LRP1B: variants seen among roughly 807,000 people sequenced by gnomAD.
LRP1B encodes the protein low-density lipoprotein receptor-related protein 1B.
Under a neutral mutation model 556.6 loss-of-function variants are expected in LRP1B, and 217 were observed. The observed-to-expected ratio is 0.39, with a 90% CI of 0.35 to 0.44. LRP1B has a LOEUF of 0.44. LRP1B is among the 20% of genes least tolerant of loss of function. The probability of loss-of-function intolerance (pLI) is 1.00; values close to 1 mark genes in which losing one functional copy is unlikely to be tolerated. For missense variants in LRP1B, 5,053 were observed against 5,620.8 expected (o/e 0.90, Z 3.23); for synonymous variants, 2,047 against 1,865.8 (o/e 1.10, Z -2.50).
intron 66 of LRP1B, among the ~76,000 whole-genome samples, chr2:140,397,165 CTTTT>C (rs1181691054): frequency 6.6e-6 from 1 of 152,014 alleles, no homozygotes; most frequent in Non-Finnish European, 1.5e-5. Flanking sequence ...TATAAAATTA[CTTTT>C]TTAACATTTT....
At chr2:141,510,550 T>C (rs1684093005) in intron 2 of LRP1B, among the ~76,000 whole-genome samples, 3 of 152,130 alleles carry the variant, frequency 2.0e-5, no homozygotes. Context: ...TTTCATTTTA[T>C]GAAAGAGGAA....
At chr2:142,015,472 C>G (rs567032799) in intron 1 of LRP1B, among the ~76,000 whole-genome samples, 14 of 152,254 alleles carry the variant, frequency 9.2e-5, no homozygotes, top group African/African-American at 3.1e-4. Context: ...GCAAAGACTT[C>G]ATGTCTAAAA....
In LRP1B at chr2:140,740,486, C is replaced by T. The variant is rs558037049; in HGVS notation, c.5759-23670G>A. On this transcript the variant is annotated intron_variant, in intron 35 of 90. Transcript: ENST00000389484. ...AGGATGCAAAGGCGTAAGAATGATA[C>T]ATGGACTTTGAGGACTTCGGGGGAA... Among the ~76,000 whole-genome samples the T allele has an allele frequency of 5.9e-5, 9 of 152,160 alleles. No individual in the cohort carries two copies. The South Asian group carries it at 1.9e-3, about 32-fold the overall frequency.
intron 4 of LRP1B, among the ~76,000 whole-genome samples, chr2:141,249,044 G>A (rs1479880433): frequency 1.3e-5 from 2 of 152,148 alleles, no homozygotes; most frequent in Non-Finnish European, 2.9e-5. Context: ...CATGGGAGGA[G>A]ATAACGAATT....
chr2:140,633,509 CAA>C (rs1683969260), intron 41 of LRP1B, among the ~76,000 whole-genome samples: 1 of 151,850 alleles, frequency 6.6e-6, no homozygotes, highest in African/African-American at 2.4e-5. Context: ...AACAGGAAAA[CAA>C]TAGAGTAAAT....
rs149369063 is a variant in LRP1B at position 141,499,421 on chromosome 2, C to T, written c.206-18888G>A. 7.9e-3 allele frequency among the ~76,000 whole-genome samples: 1,204 copies of T among 152,078 alleles called. 21 individuals are homozygous for T. The highest frequency in any genetic ancestry group is 0.027 in the African/African-American group (1,141 of 41,516). On this transcript the variant is annotated intron_variant, in intron 2 of 90. Transcript: ENST00000389484. ...ACGCCTCTTACTTGTTCACATTGGCCCTGTCTGGTTCTTTTCGCTTTGTAT... is the reference window on the plus strand; with the variant it reads ...ACGCCTCTTACTTGTTCACATTGGCTCTGTCTGGTTCTTTTCGCTTTGTAT...
At chr2:141,658,085 G>C (rs1381807270) in intron 2 of LRP1B, among the ~76,000 whole-genome samples, 7 of 152,024 alleles carry the variant, frequency 4.6e-5, no homozygotes, top group Admixed American at 1.3e-4. Flanking sequence ...CAAGCAGATA[G>C]TCAAATTATC....
chr2:140,449,593 T>C (rs1686803911), intron 63 of LRP1B, among the ~76,000 whole-genome samples: 1 of 152,210 alleles, frequency 6.6e-6, no homozygotes, highest in African/African-American at 2.4e-5. Flanking sequence ...TACTTACTGC[T>C]TTCAAACATA....
intron 79 of LRP1B, 127 bp downstream of exon 79, chr2:140,334,326 A>G: frequency 1.6e-6 from 1 of 624,964 alleles, no homozygotes; most frequent in Non-Finnish European, 2.8e-6. Flanking sequence ...AACTTCATAA[A>G]ATCATACTCT....
intron 43 of LRP1B, among the ~76,000 whole-genome samples, chr2:140,585,706 T>C (rs546119239): frequency 6.6e-6 from 1 of 152,312 alleles, no homozygotes; most frequent in African/African-American, 2.4e-5. Flanking sequence ...TATTCTCACT[T>C]AGACACCTAT....
intron 3 of LRP1B, among the ~76,000 whole-genome samples, chr2:141,266,009 T>C (rs190101304): frequency 6.6e-6 from 1 of 152,226 alleles, no homozygotes; most frequent in East Asian, 1.9e-4. Context: ...TATGCATAAC[T>C]TCTGTGTCAG....
chr2:141,824,865 G>A (rs936224664), intron 1 of LRP1B, among the ~76,000 whole-genome samples: 1 of 152,236 alleles, frequency 6.6e-6, no homozygotes, highest in South Asian at 2.1e-4. Context: ...TAATCCCAAT[G>A]TGTCGAGGGA....
chr2:140,655,304 T>A (rs1485571931), intron 41 of LRP1B, among the ~76,000 whole-genome samples: 1 of 152,214 alleles, frequency 6.6e-6, no homozygotes, highest in Non-Finnish European at 1.5e-5. Context: ...GTTAATCGTC[T>A]ATTTTATGTC....
chr2:141,272,185 C>T (rs1482695720), intron 3 of LRP1B, among the ~76,000 whole-genome samples: 4 of 151,826 alleles, frequency 2.6e-5, no homozygotes, highest in Non-Finnish European at 4.4e-5. Flanking sequence ...AGCAATCATA[C>T]AAGAAGAGAG....
rs1263998001 is a variant in LRP1B at position 141,331,518 on chromosome 2, C to CT, written c.344-76878dup. Among the ~76,000 whole-genome samples the CT allele has an allele frequency of 1.3e-3, 91 of 68,194 alleles. 1 individual carries two copies. Among genetic ancestry groups the CT allele is most frequent in the African/African-American group, 4.3e-3 (55 of 12,892 alleles). The allele number at this position is 68,194 out of a possible 152,430, so 44.7% of individuals were successfully genotyped here. A position where few individuals can be genotyped will look rare whatever the true frequency, so the allele number is the denominator to read the frequency against. On this transcript the variant is annotated intron_variant, in intron 3 of 90. Coordinates refer to ENST00000389484, the MANE Select transcript of LRP1B (RefSeq NM_018557.3). ...TCTTTCTTTCCTTCTTTCTTTCTTT[C>CT]TTTCTCTTTCTTTCTTTCTTTCTTT...
intron 2 of LRP1B, among the ~76,000 whole-genome samples, chr2:141,586,888 G>A (rs1687156535): frequency 6.7e-6 from 1 of 149,138 alleles, no homozygotes; most frequent in Admixed American, 6.8e-5. Context: ...CTTGCAGTGA[G>A]CCGAGATCGT....
intron 7 of LRP1B, among the ~76,000 whole-genome samples, chr2:141,139,689 G>A (rs992402644): frequency 3.3e-5 from 5 of 151,670 alleles, no homozygotes; most frequent in African/African-American, 4.8e-5. Context: ...AAAAAAGACC[G>A]ACTAGACCAA....
intron 66 of LRP1B, among the ~76,000 whole-genome samples, chr2:140,437,927 T>C (rs996380375): frequency 6.6e-6 from 1 of 152,162 alleles, no homozygotes; most frequent in Non-Finnish European, 1.5e-5. Context: ...ATATATTTGT[T>C]ATATAACTTA....
At chr2:140,779,953 G>A (rs1042458163) in intron 32 of LRP1B, among the ~76,000 whole-genome samples, 4 of 151,620 alleles carry the variant, frequency 2.6e-5, no homozygotes, top group African/African-American at 9.7e-5. Context: ...GAAAGCCCCA[G>A]AATAAATGCT....
Sources: allele counts gnomAD v4.1 joint callset (sites outside exome capture counted in the v4.1 genomes callset), GRCh38; gene constraint gnomAD v4.1.1; transcripts MANE v1.5; gene names NCBI Gene and HGNC (gene_info 2026-07-23, HGNC 2026-07-21).